Variants in TAFA1 observed in about 807,000 individuals in gnomAD.
TAFA1 encodes chemokine-like protein TAFA-1.
In TAFA1, 4 loss-of-function variants were observed where a neutral mutation model predicts 18.5. The ratio of observed to expected loss-of-function variants is 0.22; its 90% CI spans 0.11 to 0.49. TAFA1 has a LOEUF of 0.49. Ranked by LOEUF, TAFA1 falls within the 20% of genes least tolerant of loss-of-function variation. The pLI is 0.98. For synonymous variants in TAFA1, 56 were observed against 55.2 expected (o/e 1.01, Z -0.06); for missense variants, 147 against 169.0 (o/e 0.87, Z 0.72).
Position 68,370,104 on chromosome 3 carries a change from C to T in TAFA1, c.119-47176C>T, listed in dbSNP as rs188477407. 5.2e-3 allele frequency among the ~76,000 whole-genome samples: 781 copies of T among 149,760 alleles called. 12 individuals are homozygous for T. The highest frequency in any genetic ancestry group is 0.028 in the Admixed American group (416 of 14,924). ...GAGATTGAGACCATCCTGGCTAACA[C>T]GGTGAAACCCCGTCTCTAATAAAAA... is the stretch of plus-strand genomic sequence containing the variant. On this transcript the variant is annotated intron_variant, in intron 2 of 4. Transcript: ENST00000478136.
At chr3:68,427,923 G>A (rs1205938637) in intron 3 of TAFA1, among the ~76,000 whole-genome samples, 1 of 151,908 alleles carries the variant, frequency 6.6e-6, no homozygotes, top group East Asian at 1.9e-4. Flanking sequence ...TTGTGCCATT[G>A]CTCCTCTTTT....
At position 68,117,018 on chromosome 3, in the gene TAFA1, G is replaced by A. The variant is rs62245931; in HGVS notation, c.118+110274G>A. ...TCTCTGATTTAGAAAAATGGCTAGC[G>A]TAGAGTGGGCTCTCTACATGTGTTG... On this transcript the variant is annotated intron_variant, in intron 2 of 4. Coordinates refer to ENST00000478136, the MANE Select transcript of TAFA1 (RefSeq NM_213609.4). Among the ~76,000 whole-genome samples the A allele has an allele frequency of 9.1e-3, 1,387 of 152,226 alleles. 5 individuals are homozygous for A. Among genetic ancestry groups the A allele is most frequent in the Non-Finnish European group, 0.015 (992 of 68,004 alleles).
chr3:68,037,741 G>T (rs889687349), intron 2 of TAFA1, among the ~76,000 whole-genome samples: 48 of 152,286 alleles, frequency 3.2e-4, no homozygotes, highest in African/African-American at 1.1e-3. Flanking sequence ...GATCACTCCA[G>T]AGGCAACGTG....
intron 2 of TAFA1, among the ~76,000 whole-genome samples, chr3:68,054,295 G>A (rs2064506889): frequency 6.6e-6 from 1 of 152,018 alleles, no homozygotes; most frequent in East Asian, 1.9e-4. Context: ...AGGGTAGTGA[G>A]TGAGTTCCCA....
intron 2 of TAFA1, among the ~76,000 whole-genome samples, chr3:68,051,510 A>G (rs2064471157): frequency 6.6e-6 from 1 of 152,258 alleles, no homozygotes. Flanking sequence ...GGCTACTGGC[A>G]TGTCATGGGT....
At chr3:68,500,707 GA>G (rs11438676) in intron 3 of TAFA1, among the ~76,000 whole-genome samples, 14 of 150,020 alleles carry the variant, frequency 9.3e-5, no homozygotes, top group South Asian at 4.2e-4. Context: ...GTCTTTTATG[GA>G]AAAAAAAAAG....
intron 2 of TAFA1, among the ~76,000 whole-genome samples, chr3:68,171,463 T>A (rs1007035720): frequency 6.6e-6 from 1 of 152,208 alleles, no homozygotes; most frequent in Admixed American, 6.5e-5. Context: ...TTTGGTGATT[T>A]GTTTCACAGC....
At chr3:68,140,518 C>A (rs1203789214) in intron 2 of TAFA1, among the ~76,000 whole-genome samples, 1 of 152,182 alleles carries the variant, frequency 6.6e-6, no homozygotes, top group Non-Finnish European at 1.5e-5. Flanking sequence ...CAACTCTTCT[C>A]CCACTGCAAA....
At chr3:68,412,272 G>A (rs1358280927) in intron 2 of TAFA1, among the ~76,000 whole-genome samples, 69 of 152,146 alleles carry the variant, frequency 4.5e-4, no homozygotes, top group Non-Finnish European at 1.5e-5. Context: ...TGTATATGGG[G>A]TGAGGGTCTG....
At chr3:68,245,172 C>T (rs571364562) in intron 2 of TAFA1, among the ~76,000 whole-genome samples, 14 of 152,254 alleles carry the variant, frequency 9.2e-5, no homozygotes, top group South Asian at 6.2e-4. Flanking sequence ...TATCTATGTC[C>T]ACTTTAAAAA....
chr3:68,370,044 T>G (rs2069648704), intron 2 of TAFA1, among the ~76,000 whole-genome samples: 1 of 151,424 alleles, frequency 6.6e-6, no homozygotes, highest in African/African-American at 2.4e-5. Flanking sequence ...ATCCCAGCAC[T>G]TTGGGAGGCC....
intron 2 of TAFA1, among the ~76,000 whole-genome samples, chr3:68,094,588 T>C (rs1271908973): frequency 6.6e-6 from 1 of 152,152 alleles, no homozygotes; most frequent in Admixed American, 6.6e-5. Context: ...AAGTATCAGT[T>C]AGGTGCTGAG....
At chr3:68,416,857 G>A (rs1305058205) in intron 2 of TAFA1, among the ~76,000 whole-genome samples, 3 of 152,118 alleles carry the variant, frequency 2.0e-5, no homozygotes, top group Non-Finnish European at 4.4e-5. Context: ...TGATTTCTGG[G>A]CAGTTTTTCT....
At chr3:68,515,975 T>C (rs1327382836) in intron 3 of TAFA1, among the ~76,000 whole-genome samples, 37 of 152,262 alleles carry the variant, frequency 2.4e-4, no homozygotes, top group Admixed American at 2.4e-3. Flanking sequence ...ATTTGCAGGC[T>C]GCACTGGCCC....
intron 2 of TAFA1, among the ~76,000 whole-genome samples, chr3:68,148,286 A>T (rs999912244): frequency 2.0e-5 from 3 of 152,214 alleles, no homozygotes; most frequent in African/African-American, 7.2e-5. Flanking sequence ...GACGTAGCAT[A>T]GCAGTCTGTA....
At chr3:68,379,541 T>C (rs964653887) in intron 2 of TAFA1, among the ~76,000 whole-genome samples, 1 of 152,206 alleles carries the variant, frequency 6.6e-6, no homozygotes, top group Non-Finnish European at 1.5e-5. Flanking sequence ...TAATTGCTTT[T>C]GGCATCTACA....
chr3:68,415,967 C>A (rs1339514975), intron 2 of TAFA1, among the ~76,000 whole-genome samples: 1 of 152,188 alleles, frequency 6.6e-6, no homozygotes. Context: ...TTCACAATAT[C>A]GATCTTTTGA....
intron 2 of TAFA1, among the ~76,000 whole-genome samples, chr3:68,405,669 C>G: frequency 8.2e-6 from 1 of 121,540 alleles, no homozygotes; most frequent in African/African-American, 3.0e-5. Flanking sequence ...TACTGCACTC[C>G]AACCTAGGCA....
intron 2 of TAFA1, among the ~76,000 whole-genome samples, chr3:68,082,796 C>T (rs972361519): frequency 6.6e-6 from 1 of 152,164 alleles, no homozygotes; most frequent in African/African-American, 2.4e-5. Flanking sequence ...GACACAGTTT[C>T]AGCTACTTTG....
Sources: allele counts gnomAD v4.1 joint callset (sites outside exome capture counted in the v4.1 genomes callset), GRCh38; gene constraint gnomAD v4.1.1; transcripts MANE v1.5; gene names NCBI Gene and HGNC (gene_info 2026-07-23, HGNC 2026-07-21).